Variants in PPA2 observed in about 807,000 individuals in gnomAD.
PPA2 encodes the protein inorganic pyrophosphatase 2, mitochondrial.
Under a neutral mutation model 49.5 loss-of-function variants are expected in PPA2, and 48 were observed. That is an observed-to-expected ratio of 0.97 (90% CI 0.77 to 1.23). PPA2 has a LOEUF of 1.23. Ranked by LOEUF, PPA2 falls within the 50% of genes most tolerant of loss-of-function variation. The pLI, the probability that PPA2 is intolerant of heterozygous loss-of-function variation, is 0.00. For synonymous variants in PPA2, 131 were observed against 139.9 expected (o/e 0.94, Z 0.45); for missense variants, 429 against 410.1 (o/e 1.05, Z -0.40).
intron 5 of PPA2, among the ~76,000 whole-genome samples, chr4:105,444,849 A>T (rs1274011845): frequency 1.3e-5 from 2 of 152,234 alleles, no homozygotes; most frequent in African/African-American, 2.4e-5. Flanking sequence ...AGTCTTAATT[A>T]TAACAATAAT....
At chr4:105,385,407 T>TA (rs375751155) in intron 10 of PPA2, among the ~76,000 whole-genome samples, 85 of 135,524 alleles carry the variant, frequency 6.3e-4, no homozygotes, top group Middle Eastern at 3.8e-3. Context: ...GACACATCAG[T>TA]AAAAAAAAAA....
intron 3 of PPA2, among the ~76,000 whole-genome samples, chr4:105,452,055 A>AT (rs1185907985): frequency 6.6e-6 from 1 of 152,074 alleles, no homozygotes; most frequent in Non-Finnish European, 1.5e-5. Context: ...CTTTCTCTCC[A>AT]TTTTTTTCCT....
chr4:105,468,105 T>C (rs942638862), intron 1 of PPA2, among the ~76,000 whole-genome samples: 2 of 152,236 alleles, frequency 1.3e-5, no homozygotes, highest in Non-Finnish European at 2.9e-5. Context: ...TATAGTTTTA[T>C]TGGAACATAA....
In PPA2 at chr4:105,406,114, C is replaced by CAAAAA. The variant is rs35468715; in HGVS notation, c.656-6955_656-6951dup. Among the ~76,000 whole-genome samples, 212 of 97,548 alleles carry CAAAAA rather than the reference C, an allele frequency of 2.2e-3. 1 individual carries two copies. The highest frequency in any genetic ancestry group is 0.013 in the South Asian group (38 of 2,920). The allele number at this position is 97,548 out of a possible 152,430, so 64.0% of individuals were successfully genotyped here. On this transcript the variant is annotated intron_variant, in intron 7 of 11. Coordinates refer to ENST00000341695, the MANE Select transcript of PPA2 (RefSeq NM_176869.3). Reference sequence around the variant, plus strand: ...ATGAGGAACAGAAACTATAAAACTTCAAAAAAAAAAAAAAAGAACCAAAAG... The same window carrying CAAAAA: ...ATGAGGAACAGAAACTATAAAACTTCAAAAAAAAAAAAAAAAAAAAGAACCAAAAG...
chr4:105,421,843 G>T (rs1199431768), intron 7 of PPA2, among the ~76,000 whole-genome samples: 1 of 152,126 alleles, frequency 6.6e-6, no homozygotes, highest in Non-Finnish European at 1.5e-5. Flanking sequence ...AGGAGTCCAA[G>T]ACCAGCCTGG....
rs533485912 is a variant in PPA2, at chr4:105,447,904, C to T, written c.322-1402G>A. 3.3e-4 allele frequency: 62 copies of T among 187,662 alleles called. 1 individual carries two copies. The highest frequency in any genetic ancestry group is 1.4e-3 in the African/African-American group (60 of 41,852). The allele number at this position is 187,662 out of a possible 1,614,324, so 11.6% of individuals were successfully genotyped here. A position where few individuals can be genotyped will look rare whatever the true frequency, so the allele number is the denominator to read the frequency against. On this transcript the variant is annotated intron_variant, in intron 4 of 11. Transcript: ENST00000341695. ...ATGCACCACCATGCAAAAATTTGTG[C>T]CCAGCTAATTTTTGTATATTTAGTA... is the stretch of plus-strand genomic sequence containing the variant.
intron 1 of PPA2, among the ~76,000 whole-genome samples, chr4:105,459,843 G>C (rs1723012961): frequency 6.6e-6 from 1 of 152,152 alleles, no homozygotes. Flanking sequence ...TAACATACTG[G>C]AAAAGGCAAA....
At chr4:105,453,954 T>C (rs193014472) in intron 2 of PPA2, 61 of 222,704 alleles carry the variant, frequency 2.7e-4, no homozygotes, top group Middle Eastern at 1.4e-3. Context: ...TAGTTTCCAG[T>C]GATTATGCTT....
At chr4:105,424,151 T>C in intron 7 of PPA2, 45 bp downstream of exon 7, 1 of 1,580,192 alleles carries the variant, frequency 6.3e-7, no homozygotes, top group Non-Finnish European at 8.5e-7. Flanking sequence ...AGAATTCCAA[T>C]GACACACTAA....
At chr4:105,380,719 A>T (rs1405863142) in intron 10 of PPA2, among the ~76,000 whole-genome samples, 4 of 152,146 alleles carry the variant, frequency 2.6e-5, no homozygotes, top group Admixed American at 2.0e-4. Context: ...TGTTTCTAAA[A>T]TGTAATACCA....
intron 7 of PPA2, among the ~76,000 whole-genome samples, chr4:105,409,711 G>GTATTTGCTGTTCTGCAA: frequency 6.6e-6 from 1 of 152,344 alleles, no homozygotes; most frequent in East Asian, 1.9e-4. Context: ...TCAGGCAGCA[G>GTATTTGCTGTTCTGCAA]TATTTGCTGT....
chr4:105,458,854 A>T (rs1255865074), intron 1 of PPA2, among the ~76,000 whole-genome samples: 3 of 150,062 alleles, frequency 2.0e-5, no homozygotes, highest in Admixed American at 1.3e-4. Context: ...AAGGCATGTA[A>T]CTTAACAATG....
At chr4:105,371,332 T>A (rs1296633365) in intron 10 of PPA2, among the ~76,000 whole-genome samples, 2 of 152,232 alleles carry the variant, frequency 1.3e-5, no homozygotes, top group Non-Finnish European at 2.9e-5. Context: ...GGGCCAAGAT[T>A]CTGAGAACAG....
chr4:105,415,432 T>C (rs1722962430), intron 7 of PPA2, among the ~76,000 whole-genome samples: 1 of 152,076 alleles, frequency 6.6e-6, no homozygotes, highest in African/African-American at 2.4e-5. Context: ...CCACTATGAG[T>C]GAGGGCACAC....
intron 3 of PPA2, among the ~76,000 whole-genome samples, chr4:105,450,290 T>A (rs929036583): frequency 5.9e-5 from 9 of 152,206 alleles, no homozygotes; most frequent in Non-Finnish European, 1.2e-4. Context: ...CTGGCTCATT[T>A]ACAAACATTT....
intron 10 of PPA2, among the ~76,000 whole-genome samples, chr4:105,384,672 C>G (rs370495020): frequency 1.3e-5 from 2 of 152,110 alleles, no homozygotes; most frequent in Non-Finnish European, 2.9e-5. Flanking sequence ...TACATAGATA[C>G]AAAACTGATA....
chr4:105,461,708 C>A (rs1723100246), intron 1 of PPA2, among the ~76,000 whole-genome samples: 1 of 152,164 alleles, frequency 6.6e-6, no homozygotes, highest in African/African-American at 2.4e-5. Context: ...AACAGTCACT[C>A]AATTTCTCTG....
chr4:105,378,153 A>T (rs1160645775), intron 10 of PPA2, among the ~76,000 whole-genome samples: 1 of 152,156 alleles, frequency 6.6e-6, no homozygotes, highest in East Asian at 1.9e-4. Flanking sequence ...ACTATTTTGC[A>T]TTCTAACCAG....
chr4:105,377,525 A>T (rs1043885373), intron 10 of PPA2, among the ~76,000 whole-genome samples: 18 of 152,040 alleles, frequency 1.2e-4, no homozygotes, highest in Admixed American at 2.0e-4. Context: ...AGAAAAAAAA[A>T]TTTTTTTTCA....
Sources: gnomAD v4.1 joint callset for allele counts (sites outside exome capture counted in the v4.1 genomes callset) on GRCh38, gnomAD v4.1.1 for gene constraint, MANE v1.5 for transcripts, NCBI Gene and HGNC (gene_info 2026-07-23, HGNC 2026-07-21) for gene names.